KDM3B: variants seen among roughly 807,000 people sequenced by gnomAD.
KDM3B encodes the protein lysine-specific demethylase 3B.
KDM3B carries 10 observed loss-of-function variants against 170.0 expected under a neutral mutation model. The observed-to-expected ratio is 0.06, with a 90% CI of 0.04 to 0.10. The LOEUF (loss-of-function observed/expected upper bound fraction) is 0.10, where lower values mean the gene tolerates loss of function less well. Ranked by LOEUF, KDM3B falls within the 10% of genes least tolerant of loss-of-function variation. KDM3B has a pLI of 1.00. For missense variants in KDM3B, 1,394 were observed against 2,195.2 expected (o/e 0.64, Z 7.29); for synonymous variants, 831 against 834.8 (o/e 1.00, Z 0.08).
In KDM3B at chr5:138,352,900, C is replaced by G; in HGVS notation, c.105C>G (p.Ser35Arg). 7.3e-7 allele frequency: 1 copy of G among 1,374,894 alleles called. No individual in the cohort carries two copies. Among genetic ancestry groups the G allele is most frequent in the Non-Finnish European group, 9.4e-7 (1 of 1,062,084 alleles). 85.2% of individuals were successfully genotyped at this position (1,374,894 alleles called of 1,614,324 possible). A position where few individuals can be genotyped will look rare whatever the true frequency, so the allele number is the denominator to read the frequency against. The change falls in exon 1 of 24, where the codon AGC becomes AGG. Residue 35 changes from serine (S) to arginine (R), a missense_variant. Around this residue, in one of 19 missense-constraint regions of KDM3B, gnomAD observed 99 missense variants for 97.5 expected, o/e 1.02. Coordinates refer to ENST00000314358, the MANE Select transcript of KDM3B (RefSeq NM_016604.4). Reference sequence around the variant, plus strand: ...CGGCTCCCGCGGCGGCAGCGGCGAGCGGAGATCCGGGGCCTGCGCTGCGCA... The same window carrying G: ...CGGCTCCCGCGGCGGCAGCGGCGAGGGGAGATCCGGGGCCTGCGCTGCGCA... ...SASAPAAAAA[S>R]GDPGPALRTR... is the part of the protein sequence containing the mutation.
intron 6 of KDM3B, among the ~76,000 whole-genome samples, chr5:138,384,476 A>G (rs572343420): frequency 2.0e-5 from 3 of 151,948 alleles, no homozygotes; most frequent in East Asian, 3.9e-4. Flanking sequence ...AGTGGCTCAC[A>G]CTTGTAATTC....
chr5:138,379,291 T>C (rs568432221), intron 4 of KDM3B, among the ~76,000 whole-genome samples: 6 of 152,182 alleles, frequency 3.9e-5, no homozygotes, highest in Non-Finnish European at 8.8e-5. Context: ...TTTCCCTTCC[T>C]ATAATACTTG....
chr5:138,398,436 A>G, intron 10 of KDM3B, 44 bp downstream of exon 10: 1 of 1,558,830 alleles, frequency 6.4e-7, no homozygotes, highest in Non-Finnish European at 8.8e-7. Flanking sequence ...CCTAGTGAAA[A>G]ACTTTTATTT....
At chr5:138,406,877 G>A (rs187473317) in intron 11 of KDM3B, among the ~76,000 whole-genome samples, 48 of 150,832 alleles carry the variant, frequency 3.2e-4, no homozygotes, top group African/African-American at 1.2e-3. Flanking sequence ...AACATAGTGA[G>A]ACCCTATCTC....
At chr5:138,387,897 C>G (rs563689533) in intron 7 of KDM3B, among the ~76,000 whole-genome samples, 2 of 151,958 alleles carry the variant, frequency 1.3e-5, no homozygotes, top group Non-Finnish European at 2.9e-5. Context: ...CTGGCTAACA[C>G]GGTGAAACCC....
At chr5:138,400,447 C>T (rs904347491) in intron 11 of KDM3B, among the ~76,000 whole-genome samples, 1 of 151,910 alleles carries the variant, frequency 6.6e-6, no homozygotes, top group African/African-American at 2.4e-5. Flanking sequence ...ATAAAATTCA[C>T]CCCTTTTAAT....
intron 3 of KDM3B, among the ~76,000 whole-genome samples, chr5:138,376,070 G>A (rs757019837): frequency 2.0e-5 from 3 of 151,972 alleles, no homozygotes; most frequent in Admixed American, 6.6e-5. Context: ...TCCACCTCCC[G>A]GTTTCAAGTG....
chr5:138,397,524 AAATT>A (rs1762577607), intron 9 of KDM3B, among the ~76,000 whole-genome samples: 1 of 151,670 alleles, frequency 6.6e-6, no homozygotes, highest in South Asian at 2.1e-4. Context: ...ATAAATAAAT[AAATT>A]GTTACAATGA....
chr5:138,398,912 G>A (rs1241775501), intron 10 of KDM3B, among the ~76,000 whole-genome samples: 5 of 127,776 alleles, frequency 3.9e-5, no homozygotes, highest in East Asian at 4.5e-4. Context: ...TTTTTGAGAC[G>A]GAGTCTCGCT....
intron 13 of KDM3B, chr5:138,418,001 A>G (rs1763146138): frequency 1.3e-5 from 2 of 156,824 alleles, no homozygotes; most frequent in African/African-American, 4.8e-5. Flanking sequence ...CAGAAGACAG[A>G]AATATGAAGA....
chr5:138,427,367 A>C (rs1486279440), intron 19 of KDM3B, 48 bp downstream of exon 19: 10 of 1,578,546 alleles, frequency 6.3e-6, no homozygotes, highest in Non-Finnish European at 7.8e-6. Flanking sequence ...TGTTGTTCTT[A>C]TTTCAACTAT....
At chr5:138,394,870 A>G (rs1762511931) in intron 9 of KDM3B, among the ~76,000 whole-genome samples, 1 of 152,206 alleles carries the variant, frequency 6.6e-6, no homozygotes, top group Non-Finnish European at 1.5e-5. Context: ...CAAGTGAGAA[A>G]TGATGGGGCT....
chr5:138,386,445 G>A lies in KDM3B; in HGVS notation c.1204G>A (p.Glu402Lys), dbSNP rs751167517. The A allele has an allele frequency of 7.0e-5, 113 of 1,614,008 alleles. No homozygotes were observed. The highest frequency in any genetic ancestry group is 9.1e-5 in the Non-Finnish European group (107 of 1,180,030). Residue 402 changes from glutamate to lysine, a missense_variant, in exon 7 of 24, where the codon GAA (glutamate) becomes AAA (lysine). Glu to Lys is a moderately conservative substitution (Grantham distance 56). Transcript: ENST00000314358. ...TPLAPEVGGA[E>K]NKEAGKTLEQ... ...TTTGGCCCCAGAGGTGGGTGGAGCC[G>A]AAAACAAAGAGGCAGGAAAAACACT...
chr5:138,398,887 C>CTTT (rs537795731), intron 10 of KDM3B, among the ~76,000 whole-genome samples: 46 of 120,148 alleles, frequency 3.8e-4, no homozygotes, highest in South Asian at 5.7e-4. Flanking sequence ...TCCTAAATTT[C>CTTT]TTTTTTTTTT....
chr5:138,369,302 C>G (rs1377858898), intron 1 of KDM3B, among the ~76,000 whole-genome samples: 2 of 152,162 alleles, frequency 1.3e-5, no homozygotes. Flanking sequence ...CTTCTCTTCT[C>G]TGGTTCAAAA....
At chr5:138,421,946 C>G (rs1763283411) in intron 15 of KDM3B, among the ~76,000 whole-genome samples, 2 of 152,180 alleles carry the variant, frequency 1.3e-5, no homozygotes, top group African/African-American at 4.8e-5. Flanking sequence ...GCCACACCCA[C>G]CTTCTTGCTG....
At chr5:138,413,235 T>C (rs1208897334) in intron 11 of KDM3B, among the ~76,000 whole-genome samples, 3 of 151,588 alleles carry the variant, frequency 2.0e-5, no homozygotes, top group African/African-American at 7.3e-5. Context: ...CACAAAAAAT[T>C]AGTTGGGCAT....
rs762670969 is a variant in KDM3B, at chr5:138,429,923, T to C, written c.4851T>C (p.Tyr1617=). Reference sequence around the variant, plus strand: ...AGCCAGGTGCTTTATGGCACATCTATGCAGCCAAGGATGCAGAGAAGATCC... The same window carrying C: ...AGCCAGGTGCTTTATGGCACATCTACGCAGCCAAGGATGCAGAGAAGATCC... ...KEKPGALWHI[Y]AAKDAEKIRE... The change falls in exon 21 of 24, where the codon TAT becomes TAC. Residue 1617 remains tyrosine, a synonymous_variant. Transcript: ENST00000314358. 6.2e-7 allele frequency: 1 copy of C among 1,614,124 alleles called. No individual in the cohort carries two copies. Among genetic ancestry groups the C allele is most frequent in the African/African-American group, 1.3e-5 (1 of 74,950 alleles).
chr5:138,431,261 G>A (rs1352040052), intron 22 of KDM3B, among the ~76,000 whole-genome samples, 164 bp from the exon 23 acceptor site: 1 of 151,814 alleles, frequency 6.6e-6, no homozygotes, highest in Non-Finnish European at 1.5e-5. Flanking sequence ...CCTGGCCATT[G>A]CTTTTATTTA....
Sources: gnomAD v4.1 joint callset for allele counts (sites outside exome capture counted in the v4.1 genomes callset) on GRCh38, gnomAD v4.1.1 for gene constraint, gnomAD v4.1.1 regional missense constraint, MANE v1.5 for transcripts, NCBI Gene and HGNC (gene_info 2026-07-23, HGNC 2026-07-21) for gene names.